ADAMTSL1: variants seen among roughly 807,000 people sequenced by gnomAD.
ADAMTSL1 encodes ADAMTS like 1.
Under a neutral mutation model 201.8 loss-of-function variants are expected in ADAMTSL1, and 126 were observed. That is an observed-to-expected ratio of 0.62 (90% confidence interval 0.54 to 0.72). The LOEUF is 0.72. Ranked by LOEUF, ADAMTSL1 falls within the 30% of genes least tolerant of loss-of-function variation. The pLI, the probability that ADAMTSL1 is intolerant of heterozygous loss-of-function variation, is 0.00. For missense variants in ADAMTSL1, 2,679 were observed against 2,277.8 expected, an observed-to-expected ratio of 1.18 and a Z score of -3.59; for synonymous variants, 1,121 against 903.4, an observed-to-expected ratio of 1.24 and a Z score of -4.32.
rs765071361 is a variant in ADAMTSL1, at chr9:18,680,384, T to A, written c.1209T>A (p.Cys403Ter). 1 of 1,614,070 alleles carries A rather than the reference T, an allele frequency of 6.2e-7. No homozygotes were observed. Among genetic ancestry groups the A allele is most frequent in the Non-Finnish European group, 8.5e-7 (1 of 1,180,000 alleles). Residue 403 changes from cysteine to a stop codon, truncating the protein, a stop_gained, in exon 11 of 29, where the codon TGT (cysteine) becomes TGA (stop). Transcript: ENST00000380548. LOFTEE classifies it high-confidence loss of function. Reference protein sequence around the residue: ...GGGIQSRAVSCVEEDIQGHVT... With the variant: ...GGGIQSRAVS ...GCATCCAGAGCCGGGCAGTTTCCTG[T>A]GTGGAGGAGGACATCCAGGGGCATG...
chr9:18,161,268 AT>A (rs1179949611), intron 1 of ADAMTSL1, among the ~76,000 whole-genome samples: 1 of 152,028 alleles, frequency 6.6e-6, no homozygotes, highest in African/African-American at 2.4e-5. Flanking sequence ...TTTGGAGGAT[AT>A]TTGAGTCATT....
At chr9:18,260,316 A>G (rs1430453152) in intron 2 of ADAMTSL1, among the ~76,000 whole-genome samples, 1 of 152,278 alleles carries the variant, frequency 6.6e-6, no homozygotes, top group East Asian at 1.9e-4. Context: ...CTTCAATGGC[A>G]TGAAAAACAA....
intron 21 of ADAMTSL1, among the ~76,000 whole-genome samples, chr9:18,822,584 C>G (rs1824275592): frequency 6.6e-6 from 1 of 152,106 alleles, no homozygotes; most frequent in Non-Finnish European, 1.5e-5. Flanking sequence ...GGGTAGGGAA[C>G]TGGGGGGAAC....
chr9:18,281,109 C>G (rs1041443576), intron 2 of ADAMTSL1, among the ~76,000 whole-genome samples: 1 of 151,982 alleles, frequency 6.6e-6, no homozygotes, highest in African/African-American at 2.4e-5. Flanking sequence ...AAGAAAAGGC[C>G]CACATACACA....
chr9:18,488,303 C>G (rs887277564), intron 1 of ADAMTSL1, among the ~76,000 whole-genome samples: 3 of 152,170 alleles, frequency 2.0e-5, no homozygotes, highest in African/African-American at 7.2e-5. Flanking sequence ...TCTAGGGGCG[C>G]CTGTTTCCTT....
rs753844235 is a variant in ADAMTSL1 at position 18,753,521 on chromosome 9, G to A, written c.2217+13G>A. 1 of 1,604,008 alleles carries A rather than the reference G, an allele frequency of 6.2e-7. No homozygotes were observed. The highest frequency in any genetic ancestry group is 1.1e-5 in the South Asian group (1 of 89,264). ...ACAGTGGCAGCCGGTGAGTTCTGAA[G>A]TTACTCAATATTGGAGCTTTTGTTT... On this transcript the variant is annotated intron_variant, in intron 16 of 28. Coordinates refer to ENST00000380548, the MANE Select transcript of ADAMTSL1 (RefSeq NM_001040272.6).
chr9:17,920,964 T>C (rs1199132211), intron 1 of ADAMTSL1, among the ~76,000 whole-genome samples: 2 of 152,242 alleles, frequency 1.3e-5, no homozygotes, highest in African/African-American at 4.8e-5. Context: ...CTGTGGGTTA[T>C]TTAAATTCAC....
intron 2 of ADAMTSL1, among the ~76,000 whole-genome samples, chr9:18,212,220 G>T (rs1392624776): frequency 9.2e-5 from 14 of 152,132 alleles, no homozygotes; most frequent in Non-Finnish European, 2.1e-4. Context: ...CCTTGAAGAA[G>T]ACTGATTGCT....
intron 7 of ADAMTSL1, among the ~76,000 whole-genome samples, chr9:18,651,777 T>C (rs968835087): frequency 2.6e-5 from 4 of 152,168 alleles, no homozygotes; most frequent in Non-Finnish European, 5.9e-5. Context: ...TATTTTGTTC[T>C]AGATAGCCTT....
intron 15 of ADAMTSL1, among the ~76,000 whole-genome samples, chr9:18,747,633 T>C (rs972061984): frequency 4.6e-5 from 7 of 152,280 alleles, no homozygotes; most frequent in African/African-American, 1.7e-4. Flanking sequence ...ATAATGCATT[T>C]AAAGCAACTA....
intron 1 of ADAMTSL1, among the ~76,000 whole-genome samples, chr9:18,002,418 T>C (rs1586879531): frequency 6.6e-6 from 1 of 152,018 alleles, no homozygotes; most frequent in East Asian, 1.9e-4. Flanking sequence ...GAAGTTACCT[T>C]AAAGGGCTAT....
intron 4 of ADAMTSL1, among the ~76,000 whole-genome samples, chr9:18,584,322 G>A (rs771720036): frequency 2.6e-5 from 4 of 151,448 alleles, no homozygotes; most frequent in African/African-American, 4.8e-5. Flanking sequence ...TCTTTTGTCT[G>A]CCACCATGTG....
intron 1 of ADAMTSL1, among the ~76,000 whole-genome samples, chr9:18,016,998 A>G (rs1483571144): frequency 6.6e-6 from 1 of 152,032 alleles, no homozygotes; most frequent in Non-Finnish European, 1.5e-5. Context: ...CCCTTATTAC[A>G]TCCTCCCACA....
At chr9:18,226,556 C>CA (rs1563820083) in intron 2 of ADAMTSL1, among the ~76,000 whole-genome samples, 1 of 152,120 alleles carries the variant, frequency 6.6e-6, no homozygotes, top group African/African-American at 2.4e-5. Flanking sequence ...TACCTCCCTC[C>CA]AGATATTTCA....
chr9:18,133,453 A>G (rs1233146504), intron 1 of ADAMTSL1, among the ~76,000 whole-genome samples: 1 of 152,016 alleles, frequency 6.6e-6, no homozygotes, highest in African/African-American at 2.4e-5. Flanking sequence ...ATTTCATTGA[A>G]TCTCATATAT....
chr9:18,451,873 G>A (rs974226397), intron 2 of ADAMTSL1, among the ~76,000 whole-genome samples: 1 of 152,222 alleles, frequency 6.6e-6, no homozygotes, highest in African/African-American at 2.4e-5. Flanking sequence ...AGATGCAAAG[G>A]CAAGAGAGGA....
At chr9:17,968,449 A>T (rs968317363) in intron 1 of ADAMTSL1, among the ~76,000 whole-genome samples, 2 of 152,140 alleles carry the variant, frequency 1.3e-5, no homozygotes, top group Admixed American at 1.3e-4. Flanking sequence ...GTTAGTTCAG[A>T]TGCTGTCTCC....
intron 15 of ADAMTSL1, among the ~76,000 whole-genome samples, chr9:18,727,815 C>G (rs948828295): frequency 2.6e-5 from 4 of 152,154 alleles, no homozygotes; most frequent in African/African-American, 9.7e-5. Flanking sequence ...CACAGTGGCT[C>G]ATGCCTGTAA....
intron 26 of ADAMTSL1, among the ~76,000 whole-genome samples, chr9:18,904,615 C>A (rs1830189879): frequency 1.1e-5 from 1 of 87,586 alleles, no homozygotes; most frequent in South Asian, 3.9e-4. Context: ...GCCTGGGCAA[C>A]AGAAAGAGAC....
Sources: gnomAD v4.1 joint callset for allele counts (sites outside exome capture counted in the v4.1 genomes callset) on GRCh38, gnomAD v4.1.1 for gene constraint, MANE v1.5 for transcripts, NCBI Gene and HGNC (gene_info 2026-07-23, HGNC 2026-07-21) for gene names.